ZBTB20: variants seen among roughly 807,000 people sequenced by gnomAD.
ZBTB20 encodes zinc finger and BTB domain containing 20, also known as zinc finger and BTB domain-containing protein 20.
Under a neutral mutation model 56.9 loss-of-function variants are expected in ZBTB20, and 9 were observed. The ratio of observed to expected loss-of-function variants is 0.16; its 90% confidence interval spans 0.10 to 0.28. ZBTB20 has a LOEUF of 0.28. Ranked by LOEUF, ZBTB20 falls within the 10% of genes least tolerant of loss-of-function variation. The pLI is 1.00. For missense variants in ZBTB20, 655 were observed against 1,003.0 expected (o/e 0.65, Z 4.69); for synonymous variants, 417 against 420.7 (o/e 0.99, Z 0.11).
Position 114,484,827 on chromosome 3 carries a change from A to C in ZBTB20, c.-255+15525T>G, listed in dbSNP as rs939621829. Reference sequence around the variant, plus strand: ...TGTGTGTGTGTGTGTGTGCGCGTGCATGTGTGTGTGTGCGTGAGTGCACGC... The same window carrying C: ...TGTGTGTGTGTGTGTGTGCGCGTGCCTGTGTGTGTGTGCGTGAGTGCACGC... On this transcript the variant is annotated intron_variant, in intron 7 of 11. Transcript: ENST00000675478. Among the ~76,000 whole-genome samples, 3 of 103,410 alleles carry C rather than the reference A, an allele frequency of 2.9e-5. No homozygotes were observed. The East Asian group carries it at 9.8e-4, about 34-fold the overall frequency. 67.8% of individuals were successfully genotyped at this position (103,410 alleles called of 152,430 possible).
At chr3:114,474,204 T>G (rs2040475973) in intron 7 of ZBTB20, among the ~76,000 whole-genome samples, 1 of 152,224 alleles carries the variant, frequency 6.6e-6, no homozygotes, top group Non-Finnish European at 1.5e-5. Context: ...AGAGGAGGTT[T>G]GGGTGGGGGT....
At chr3:114,698,882 G>A (rs1391076333) in intron 5 of ZBTB20, among the ~76,000 whole-genome samples, 2 of 152,084 alleles carry the variant, frequency 1.3e-5, no homozygotes, top group African/African-American at 4.8e-5. Context: ...CATGGTGCTT[G>A]GCACATTTTC....
intron 2 of ZBTB20, among the ~76,000 whole-genome samples, chr3:115,025,191 T>C (rs902080949): frequency 3.3e-5 from 5 of 151,352 alleles, no homozygotes; most frequent in African/African-American, 9.7e-5. Context: ...TGAGAACATA[T>C]GGTATTTGGT....
chr3:114,408,306 T>A (rs2087546095), intron 7 of ZBTB20, among the ~76,000 whole-genome samples: 1 of 152,208 alleles, frequency 6.6e-6, no homozygotes, highest in Non-Finnish European at 1.5e-5. Context: ...TACTGCAGAC[T>A]AAAGCAGAAG....
intron 4 of ZBTB20, among the ~76,000 whole-genome samples, chr3:114,823,497 A>G (rs1163315397): frequency 6.6e-6 from 1 of 152,066 alleles, no homozygotes; most frequent in Non-Finnish European, 1.5e-5. Flanking sequence ...AAAGAGAAAC[A>G]CTGGGCCATT....
At chr3:114,997,060 T>C (rs2079057836) in intron 2 of ZBTB20, among the ~76,000 whole-genome samples, 1 of 151,888 alleles carries the variant, frequency 6.6e-6, no homozygotes, top group Admixed American at 6.6e-5. Context: ...TCAACCATTG[T>C]GGAAGACAGT....
chr3:115,048,889 C>G (rs542087342), intron 2 of ZBTB20, among the ~76,000 whole-genome samples: 1 of 151,924 alleles, frequency 6.6e-6, no homozygotes, highest in Non-Finnish European at 1.5e-5. Flanking sequence ...GGATTTATAC[C>G]AATCCATGCA....
intron 7 of ZBTB20, among the ~76,000 whole-genome samples, chr3:114,482,227 T>C (rs2041638002): frequency 6.6e-6 from 1 of 151,820 alleles, no homozygotes; most frequent in African/African-American, 2.4e-5. Context: ...GGAAGACACA[T>C]CAGGGATCTA....
intron 5 of ZBTB20, among the ~76,000 whole-genome samples, chr3:114,776,023 A>AT (rs2069579265): frequency 9.5e-6 from 1 of 104,988 alleles, no homozygotes; most frequent in African/African-American, 3.6e-5. Context: ...TACTCCTCCA[A>AT]TTTTTTTTCT....
At chr3:114,943,020 G>A (rs1357199839) in intron 3 of ZBTB20, among the ~76,000 whole-genome samples, 8 of 144,968 alleles carry the variant, frequency 5.5e-5, no homozygotes, top group Admixed American at 2.0e-4. Context: ...AAAATCAAAA[G>A]AGAAACAAGC....
chr3:114,648,133 T>C (rs2059944597), intron 6 of ZBTB20, among the ~76,000 whole-genome samples: 2 of 151,900 alleles, frequency 1.3e-5, no homozygotes, highest in Admixed American at 1.3e-4. Flanking sequence ...TCCATTATCC[T>C]CTTATTACTC....
At chr3:114,899,512 C>T (rs533952580) in intron 4 of ZBTB20, among the ~76,000 whole-genome samples, 51 of 151,918 alleles carry the variant, frequency 3.4e-4, no homozygotes, top group Admixed American at 1.5e-3. Context: ...TTATCTAGGG[C>T]AGTCAACAGC....
At chr3:114,947,069 T>A (rs1293325687) in intron 3 of ZBTB20, among the ~76,000 whole-genome samples, 1 of 144,946 alleles carries the variant, frequency 6.9e-6, no homozygotes, top group Non-Finnish European at 1.5e-5. Context: ...AAGCTCAACA[T>A]CACTAATCAA....
At chr3:114,811,953 C>T (rs751103472) in intron 4 of ZBTB20, among the ~76,000 whole-genome samples, 1 of 151,156 alleles carries the variant, frequency 6.6e-6, no homozygotes, top group Non-Finnish European at 1.5e-5. Flanking sequence ...GCGGCGTCTC[C>T]GCAGTTTGTT....
At chr3:114,922,002 A>G (rs1483894496) in intron 3 of ZBTB20, among the ~76,000 whole-genome samples, 3 of 152,222 alleles carry the variant, frequency 2.0e-5, no homozygotes, top group African/African-American at 7.2e-5. Flanking sequence ...AGGATCATAC[A>G]CCATGATCAG....
At chr3:114,764,592 A>G (rs979734769) in intron 5 of ZBTB20, among the ~76,000 whole-genome samples, 2 of 152,230 alleles carry the variant, frequency 1.3e-5, no homozygotes, top group Non-Finnish European at 2.9e-5. Flanking sequence ...ACGGAAGTCT[A>G]ACAGACACTG....
chr3:114,543,481 C>G (rs2049358162), intron 6 of ZBTB20, among the ~76,000 whole-genome samples: 1 of 152,174 alleles, frequency 6.6e-6, no homozygotes, highest in Admixed American at 6.6e-5. Flanking sequence ...ACTATATCAA[C>G]TGATTCAAGC....
At chr3:114,809,145 T>C (rs2072333872) in intron 4 of ZBTB20, among the ~76,000 whole-genome samples, 2 of 152,044 alleles carry the variant, frequency 1.3e-5, no homozygotes, top group African/African-American at 2.4e-5. Flanking sequence ...CTATAATGTG[T>C]CTATGTACAG....
intron 7 of ZBTB20, among the ~76,000 whole-genome samples, chr3:114,470,584 C>A (rs549507442): frequency 1.4e-3 from 211 of 152,164 alleles, no homozygotes; most frequent in African/African-American, 4.8e-3. Flanking sequence ...AATAAGTCTA[C>A]AAGTTGGGTG....
Sources: allele counts gnomAD v4.1 joint callset (sites outside exome capture counted in the v4.1 genomes callset), GRCh38; gene constraint gnomAD v4.1.1; transcripts MANE v1.5; gene names NCBI Gene and HGNC (gene_info 2026-07-23, HGNC 2026-07-21).